The following SEC24C variants were observed in gnomAD, a reference collection of about 807,000 sequenced individuals.
SEC24C encodes the protein SEC24 homolog C, COPII component, also known as protein transport protein Sec24C.
Under a neutral mutation model 117.0 loss-of-function variants are expected in SEC24C, and 22 were observed. The ratio of observed to expected loss-of-function variants is 0.19; its 90% CI spans 0.13 to 0.27. SEC24C has a LOEUF of 0.27. Ranked by LOEUF, SEC24C falls within the 10% of genes least tolerant of loss-of-function variation. The pLI is 1.00. For missense variants in SEC24C, 1,155 were observed against 1,375.1 expected (o/e 0.84, Z 2.53); for synonymous variants, 506 against 529.4 (o/e 0.96, Z 0.61).
At chr10:73,770,656 T>A in intron 21 of SEC24C, 53 bp from the exon 22 acceptor site, 1 of 1,591,842 alleles carries the variant, frequency 6.3e-7, no homozygotes, top group Non-Finnish European at 8.6e-7. Flanking sequence ...CTGCCCCACC[T>A]TGACTGAACT....
rs755602383 is a variant in SEC24C at position 73,769,805 on chromosome 10, A to G, written c.2683-31A>G. The stretch of plus-strand genomic sequence containing the variant: ...TTGCATTTGGGAGGGATTTCTCATG[A>G]TCATTGACTTTATTTTGATAATCCC... On this transcript the variant is annotated intron_variant, in intron 19 of 22. Coordinates refer to ENST00000345254, the MANE Select transcript of SEC24C (RefSeq NM_198597.3). This position sits in a 1 kb window ranked among gnomAD's most constrained non-coding sequence, Gnocchi z 4.5. 8.4e-5 allele frequency: 135 copies of G among 1,612,844 alleles called. No homozygotes were observed. The highest frequency in any genetic ancestry group is 6.5e-4 in the Admixed American group (39 of 59,984).
rs199624470 is a variant in SEC24C, at chr10:73,759,793, T to C, written c.480T>C (p.Phe160=). 8.4e-5 allele frequency: 133 copies of C among 1,575,558 alleles called. 1 individual carries two copies. Among genetic ancestry groups the C allele is most frequent in the Admixed American group, 7.3e-4 (38 of 51,864 alleles). ...CCCCTCCTTCTTCAGGGCTGGGCTT[T>C]GGTGAGTGGCTGTGAACACAGGAAT... The part of the protein sequence containing the change: ...APAPPSSGLG[F]GPPTSLASAS... The change falls in exon 4 of 23, where the codon TTT becomes TTC. Residue 160 remains phenylalanine, a splice_region_variant and synonymous_variant. Transcript: ENST00000345254.
intron 8 of SEC24C, 51 bp downstream of exon 8, chr10:73,764,034 G>A (rs773870446): frequency 8.5e-6 from 13 of 1,538,296 alleles, no homozygotes; most frequent in African/African-American, 1.4e-5. Flanking sequence ...AGGTAGAGAG[G>A]GGTCTAAAGC....
chr10:73,761,650 A>C (rs530686361), intron 6 of SEC24C, among the ~76,000 whole-genome samples: 1 of 152,238 alleles, frequency 6.6e-6, no homozygotes, highest in South Asian at 2.1e-4. Flanking sequence ...CTGTTGGCCA[A>C]GGAGAACTCA....
chr10:73,744,702 C>T (rs1490215743), intron 1 of SEC24C, among the ~76,000 whole-genome samples: 1 of 152,066 alleles, frequency 6.6e-6, no homozygotes, highest in East Asian at 1.9e-4. Flanking sequence ...ACAGAGCAGC[C>T]CCCTCTCTTA....
At position 73,771,299 on chromosome 10, in the gene SEC24C, C is replaced by T. The variant is rs573050729; in HGVS notation, c.*204C>T. ...CTGCTGATGGAAGGTGCCCCTGTTC[C>T]CTCATTCTACCCTCTTTTTCCTGCT... On this transcript the variant is annotated 3_prime_UTR_variant, in exon 23 of 23. Transcript: ENST00000345254. 14 of 588,780 alleles carry T rather than the reference C, an allele frequency of 2.4e-5. No homozygotes were observed. In the East Asian group the frequency reaches 4.1e-4, roughly 17 times the overall value. The allele number at this position is 588,780 out of a possible 1,614,324, so 36.5% of individuals were successfully genotyped here. A position where few individuals can be genotyped will look rare whatever the true frequency, so the allele number is the denominator to read the frequency against.
intron 2 of SEC24C, among the ~76,000 whole-genome samples, chr10:73,747,333 C>A (rs1048603253): frequency 2.0e-5 from 3 of 152,116 alleles, no homozygotes; most frequent in Non-Finnish European, 4.4e-5. Context: ...CAGGCATGCA[C>A]CACCACGTCC....
In SEC24C at chr10:73,769,244, G is replaced by A; in HGVS notation, c.2424+92G>A. The A allele has an allele frequency of 6.3e-7, 1 of 1,586,104 alleles. No individual in the cohort carries two copies. The highest frequency in any genetic ancestry group is 1.8e-5 in the Admixed American group (1 of 55,972). On this transcript the variant is annotated intron_variant, in intron 17 of 22. Coordinates refer to ENST00000345254, the MANE Select transcript of SEC24C (RefSeq NM_198597.3). This position sits in a 1 kb window ranked among gnomAD's most constrained non-coding sequence, Gnocchi z 4.5. ...ATGGGTAGAGAGCACTAAAAGAAGA[G>A]ACAGGGCACGGGAGTGGCTCATTTC...
intron 8 of SEC24C, among the ~76,000 whole-genome samples, chr10:73,764,707 G>C (rs2082854207): frequency 6.6e-6 from 1 of 152,120 alleles, no homozygotes; most frequent in Non-Finnish European, 1.5e-5. Context: ...AGGTAGATTA[G>C]GATCCAGTGA....
chr10:73,760,953 TTTTG>T (rs2082788301), intron 6 of SEC24C, 104 bp downstream of exon 6: 1 of 1,292,924 alleles, frequency 7.7e-7, no homozygotes, highest in Non-Finnish European at 1.0e-6. Flanking sequence ...AATTTTCCCT[TTTTG>T]TTCATCTTCT....
chr10:73,753,531 A>G (rs1285696197), intron 3 of SEC24C, among the ~76,000 whole-genome samples: 3 of 152,166 alleles, frequency 2.0e-5, no homozygotes, highest in Non-Finnish European at 2.9e-5. Flanking sequence ...TTAGCTGGGC[A>G]TGGTGGCAAG....
At chr10:73,760,610 G>T in intron 5 of SEC24C, 103 bp from the exon 6 acceptor site, 1 of 1,286,148 alleles carries the variant, frequency 7.8e-7, no homozygotes. Context: ...GCATTAGTGT[G>T]CCTCATAATT....
At chr10:73,744,864 A>G (rs972283079) in intron 1 of SEC24C, among the ~76,000 whole-genome samples, 8 of 152,134 alleles carry the variant, frequency 5.3e-5, no homozygotes, top group Non-Finnish European at 8.8e-5. Context: ...TCGAGACTTC[A>G]GTCTGACTCC....
In SEC24C at chr10:73,769,863, C is replaced by G. The variant is rs374240603; in HGVS notation, c.2710C>G (p.Leu904Val). 2.5e-5 allele frequency: 40 copies of G among 1,614,066 alleles called. No homozygotes were observed. The highest frequency in any genetic ancestry group is 3.3e-5 in the Non-Finnish European group (39 of 1,180,042). ...GATCCTTCCTGAGTGCATGAAGCTA[C>G]TCCCAGTTTACCTGAACTGTGTGTT... ...QLILPECMKL[L>V]PVYLNCVLKS... is the part of the protein sequence containing the mutation. Residue 904 changes from leucine to valine, a missense_variant, in exon 20 of 23, where the codon CTC becomes GTC. By Grantham distance (32) the Leu-to-Val change is conservative. This residue lies in a region of SEC24C where 759 missense variants were observed against 992.3 expected (regional missense o/e 0.76). Transcript: ENST00000345254. The surrounding 1 kb of genome is among the most constrained non-coding windows in gnomAD (Gnocchi z 4.5).
At chr10:73,767,263 C>T in intron 14 of SEC24C, 93 bp downstream of exon 14, 2 of 787,910 alleles carry the variant, frequency 2.5e-6, no homozygotes, top group East Asian at 4.9e-5. Context: ...ACCAGACACT[C>T]CACCCTTTCA....
Position 73,766,399 on chromosome 10 carries a change from A to G in SEC24C, c.1657A>G (p.Asn553Asp), listed in dbSNP as rs369206859. Residue 553 changes from asparagine to aspartate, a missense_variant, in exon 12 of 23, where the codon AAT (asparagine) becomes GAT (aspartate). By Grantham distance (23) the Asn-to-Asp change is conservative. Transcript: ENST00000345254. ...SAIRVGFVTY[N>D]KVLHFYNVKS... ...AATCCGCGTTGGCTTTGTCACCTAC[A>G]ATAAGGTGCTCCACTTCTATAATGT... is the stretch of plus-strand genomic sequence containing the variant. The G allele has an allele frequency of 1.2e-6, 2 of 1,613,774 alleles. No homozygotes were observed. Among genetic ancestry groups the G allele is most frequent in the Non-Finnish European group, 1.7e-6 (2 of 1,179,848 alleles).
At chr10:73,752,965 A>G (rs950634423) in intron 3 of SEC24C, among the ~76,000 whole-genome samples, 3 of 152,204 alleles carry the variant, frequency 2.0e-5, no homozygotes, top group East Asian at 1.9e-4. Flanking sequence ...AGCCTTTTCC[A>G]TGTGCCCCAA....
At chr10:73,762,135 A>G (rs952336198) in intron 6 of SEC24C, 1 of 1,289,802 alleles carries the variant, frequency 7.8e-7, no homozygotes, top group African/African-American at 1.5e-5. Context: ...AAAACCAGGC[A>G]CAGAATAGAC....
chr10:73,763,118 A>G (rs759938963), intron 6 of SEC24C, among the ~76,000 whole-genome samples: 6 of 152,108 alleles, frequency 3.9e-5, no homozygotes, highest in Non-Finnish European at 8.8e-5. Flanking sequence ...CGGGGAAGGC[A>G]TGATGGGGGA....
Sources: allele counts gnomAD v4.1 joint callset (sites outside exome capture counted in the v4.1 genomes callset), GRCh38; gene constraint gnomAD v4.1.1; regional missense constraint gnomAD v4.1.1; non-coding constraint Gnocchi (gnomAD v3.1); transcripts MANE v1.5; gene names NCBI Gene and HGNC (gene_info 2026-07-23, HGNC 2026-07-21).